KCNJ6: variants seen among roughly 807,000 people sequenced by gnomAD.
The protein encoded by KCNJ6 is G protein-activated inward rectifier potassium channel 2.
In KCNJ6, 9 loss-of-function variants were observed where a neutral mutation model predicts 34.2. The observed-to-expected ratio is 0.26, with a 90% CI of 0.16 to 0.46. KCNJ6 has a LOEUF of 0.46. KCNJ6 is among the 20% of genes least tolerant of loss of function. The probability of loss-of-function intolerance (pLI) is 1.00; values close to 1 mark genes in which losing one functional copy is unlikely to be tolerated. For synonymous variants in KCNJ6, 196 were observed against 207.1 expected, an observed-to-expected ratio of 0.95 and a Z score of 0.46; for missense variants, 236 against 531.3, an observed-to-expected ratio of 0.44 and a Z score of 5.46.
rs2054291728 is a variant in KCNJ6 at position 37,622,129 on chromosome 21, C to G, written c.*3030G>C. 6.6e-6 allele frequency: 1 copy of G among 152,156 alleles called. No individual in the cohort carries two copies. Among genetic ancestry groups the G allele is most frequent in the African/African-American group, 2.4e-5 (1 of 41,438 alleles). 9.4% of individuals were successfully genotyped at this position (152,156 alleles called of 1,614,324 possible). On this transcript the variant is annotated 3_prime_UTR_variant, in exon 4 of 4. Transcript: ENST00000609713. ...AACCATAACCCTTAAATTCCAAATT[C>G]TTATCTGGCTCACGGATCCCACCAT...
Position 37,608,117 on chromosome 21 carries a change from T to C in KCNJ6, c.*17042A>G, listed in dbSNP as rs2054230565. The C allele has an allele frequency of 6.6e-6, 1 of 152,230 alleles. No homozygotes were observed. Among genetic ancestry groups the C allele is most frequent in the African/African-American group, 2.4e-5 (1 of 41,470 alleles). 9.4% of individuals were successfully genotyped at this position (152,230 alleles called of 1,614,324 possible). ...ATGGGTTTATCAATAATACTGTTCA[T>C]GCTATTCGTTTCTTAGTCCTTGTCC... On this transcript the variant is annotated 3_prime_UTR_variant, in exon 4 of 4. Coordinates refer to ENST00000609713, the MANE Select transcript of KCNJ6 (RefSeq NM_002240.5).
chr21:37,777,293 G>A (rs1018844764), intron 2 of KCNJ6, among the ~76,000 whole-genome samples: 3 of 151,662 alleles, frequency 2.0e-5, no homozygotes, highest in African/African-American at 4.8e-5. Flanking sequence ...CATGCCTCCC[G>A]CACCCTTTAT....
At chr21:37,701,752 GT>G (rs1486511303) in intron 3 of KCNJ6, among the ~76,000 whole-genome samples, 1 of 152,140 alleles carries the variant, frequency 6.6e-6, no homozygotes, top group Non-Finnish European at 1.5e-5. Context: ...CAAGATCTCT[GT>G]GCTCAGGATT....
chr21:37,751,997 T>C (rs1443322699), intron 2 of KCNJ6, among the ~76,000 whole-genome samples: 1 of 152,210 alleles, frequency 6.6e-6, no homozygotes, highest in Non-Finnish European at 1.5e-5. Context: ...TTAGGAACAG[T>C]TAAAGAATGG....
intron 1 of KCNJ6, among the ~76,000 whole-genome samples, chr21:37,891,859 G>A (rs993085016): frequency 3.3e-5 from 5 of 152,118 alleles, no homozygotes; most frequent in African/African-American, 9.7e-5. Flanking sequence ...TGATGCTGGC[G>A]GCAGTTGTGG....
intron 3 of KCNJ6, among the ~76,000 whole-genome samples, chr21:37,702,147 C>T (rs961354754): frequency 6.7e-6 from 1 of 148,952 alleles, no homozygotes; most frequent in Non-Finnish European, 1.5e-5. Flanking sequence ...GCAGGAGAAT[C>T]GCTTGAACCC....
At position 37,769,589 on chromosome 21, in the gene KCNJ6, ATCCTAGAG is replaced by A. The variant is rs1163884216; in HGVS notation, c.26-54466_26-54459del. 2.0e-5 allele frequency among the ~76,000 whole-genome samples: 3 copies of A among 151,978 alleles called. No homozygotes were observed. The East Asian group carries it at 5.8e-4, about 29-fold the overall frequency. ...TTCCCCACTGAGACGCCTCCGAGAA[ATCCTAGAG>A]TTCTAGAGAACAGAGCTGGAAAAAT... On this transcript the variant is annotated intron_variant, in intron 2 of 3. Coordinates refer to ENST00000609713, the MANE Select transcript of KCNJ6 (RefSeq NM_002240.5).
intron 3 of KCNJ6, among the ~76,000 whole-genome samples, chr21:37,694,734 CTAACTCCCAATG>C (rs2054656652): frequency 6.6e-6 from 1 of 152,176 alleles, no homozygotes; most frequent in African/African-American, 2.4e-5. Context: ...TGCTGAAGCC[CTAACTCCCAATG>C]TGACTGTACT....
intron 1 of KCNJ6, among the ~76,000 whole-genome samples, chr21:37,874,708 G>T (rs779038237): frequency 4.7e-4 from 71 of 152,174 alleles, no homozygotes; most frequent in Non-Finnish European, 6.8e-4. Context: ...GGAATGATGG[G>T]AGGGTGACAA....
intron 3 of KCNJ6, among the ~76,000 whole-genome samples, chr21:37,667,549 G>T (rs2054521434): frequency 6.6e-6 from 1 of 151,496 alleles, no homozygotes; most frequent in Non-Finnish European, 1.5e-5. Flanking sequence ...GGGGTAGCGG[G>T]CGCCGGGGTA....
At chr21:37,866,524 G>T (rs775955632) in intron 1 of KCNJ6, among the ~76,000 whole-genome samples, 5 of 152,308 alleles carry the variant, frequency 3.3e-5, no homozygotes, top group Middle Eastern at 3.4e-3. Flanking sequence ...TTTTGCTAAA[G>T]GAACAGACCT....
intron 1 of KCNJ6, among the ~76,000 whole-genome samples, chr21:37,868,820 G>A (rs2055636117): frequency 6.6e-6 from 1 of 152,204 alleles, no homozygotes; most frequent in African/African-American, 2.4e-5. Flanking sequence ...GAGGACAGAG[G>A]CGCTGGCAAT....
chr21:37,792,797 G>T (rs1488339905), intron 2 of KCNJ6, among the ~76,000 whole-genome samples: 1 of 152,116 alleles, frequency 6.6e-6, no homozygotes, highest in Admixed American at 6.5e-5. Context: ...AGGACAGAAG[G>T]CACACAAAAG....
chr21:37,813,974 G>GA (rs1215674114), intron 2 of KCNJ6, among the ~76,000 whole-genome samples: 1 of 151,086 alleles, frequency 6.6e-6, no homozygotes, highest in Non-Finnish European at 1.5e-5. Context: ...ACAACCCACA[G>GA]AATAGGAGAA....
intron 2 of KCNJ6, among the ~76,000 whole-genome samples, chr21:37,812,335 G>C (rs1271535111): frequency 1.3e-5 from 2 of 152,102 alleles, no homozygotes; most frequent in Non-Finnish European, 2.9e-5. Flanking sequence ...ATCCTAGAGA[G>C]TCCCTATTTT....
intron 1 of KCNJ6, among the ~76,000 whole-genome samples, chr21:37,887,130 C>A (rs1392474873): frequency 1.3e-5 from 2 of 152,040 alleles, no homozygotes; most frequent in African/African-American, 4.8e-5. Context: ...TTTCCTGCAT[C>A]CTGTTATCCC....
At position 37,732,168 on chromosome 21, in the gene KCNJ6, T is replaced by C. The variant is rs2054888878; in HGVS notation, c.26-17037A>G. On this transcript the variant is annotated intron_variant, in intron 2 of 3. Transcript: ENST00000609713. The stretch of plus-strand genomic sequence containing the variant: ...AGCAAGAACAAGATCTCCCAGGGAT[T>C]GGGAAGAAACAGAATGAAGGTCAAA... 2.8e-5 allele frequency among the ~76,000 whole-genome samples: 4 copies of C among 143,522 alleles called. No homozygotes were observed. The Admixed American group carries it at 2.9e-4, about 11-fold the overall frequency. The allele number at this position is 143,522 out of a possible 152,430, so 94.2% of individuals were successfully genotyped here.
intron 3 of KCNJ6, among the ~76,000 whole-genome samples, chr21:37,627,656 G>C (rs1313059789): frequency 2.0e-5 from 3 of 152,142 alleles, no homozygotes; most frequent in African/African-American, 7.2e-5. Context: ...AGGTTCACAG[G>C]GAGCTTTGGA....
At chr21:37,890,455 A>G (rs1396663886) in intron 1 of KCNJ6, among the ~76,000 whole-genome samples, 1 of 152,204 alleles carries the variant, frequency 6.6e-6, no homozygotes, top group Non-Finnish European at 1.5e-5. Flanking sequence ...TTTACAGTCA[A>G]TTCACATTTC....
Sources: allele counts gnomAD v4.1 joint callset (sites outside exome capture counted in the v4.1 genomes callset), GRCh38; gene constraint gnomAD v4.1.1; transcripts MANE v1.5; gene names NCBI Gene and HGNC (gene_info 2026-07-23, HGNC 2026-07-21).